Variants in CDHR2 observed in about 807,000 individuals in gnomAD.
CDHR2 encodes cadherin related family member 2.
In CDHR2, 104 loss-of-function variants were observed where a neutral mutation model predicts 138.6. The observed-to-expected ratio is 0.75, with a 90% CI of 0.64 to 0.88. The LOEUF (loss-of-function observed/expected upper bound fraction) is 0.88. CDHR2 is among the 40% of genes least tolerant of loss of function. CDHR2 has a pLI of 0.00. For missense variants in CDHR2, 1,624 were observed against 1,727.6 expected (o/e 0.94, Z 1.06); for synonymous variants, 755 against 742.8 (o/e 1.02, Z -0.27).
chr5:176,590,095 C>G lies in CDHR2; in HGVS notation c.3224C>G (p.Thr1075Ser). 2 of 1,613,850 alleles carry G rather than the reference C, an allele frequency of 1.2e-6. No homozygotes were observed. Among genetic ancestry groups the G allele is most frequent in the Non-Finnish European group, 1.7e-6 (2 of 1,179,948 alleles). Reference sequence around the variant, plus strand: ...CTTTGCAGGGCTCTTACCCAGGCAACCAGGACTACAGTATACATTGTGGAC... The same window carrying G: ...CTTTGCAGGGCTCTTACCCAGGCAAGCAGGACTACAGTATACATTGTGGAC... ...QAINAALTQA[T>S]RTTVYIVDIQ... Residue 1075 changes from threonine to serine, a missense_variant, in exon 25 of 32, where the codon ACC (threonine) becomes AGC (serine). By Grantham distance (58) the Thr-to-Ser change is moderately conservative (BLOSUM62 1). Around this residue, in one of 3 missense-constraint regions of CDHR2, gnomAD observed 556 missense variants for 565.7 expected, o/e 0.98. Transcript: ENST00000261944.
At position 176,570,164 on chromosome 5, in the gene CDHR2, C is replaced by T. The variant is rs1427409177; in HGVS notation, c.316-1049C>T. 3.3e-5 allele frequency among the ~76,000 whole-genome samples: 5 copies of T among 152,114 alleles called. No homozygotes were observed. In the East Asian group the frequency reaches 9.6e-4, roughly 29 times the overall value. On this transcript the variant is annotated intron_variant, in intron 5 of 31. Coordinates refer to ENST00000261944, the MANE Select transcript of CDHR2 (RefSeq NM_017675.6). ...CTTGAAAGCTGCCTTGCCCACTCAGCGATTGAGCTTAGAGCTCTCTCTGGG... is the reference window on the plus strand; with the variant it reads ...CTTGAAAGCTGCCTTGCCCACTCAGTGATTGAGCTTAGAGCTCTCTCTGGG...
At chr5:176,588,563 CAGTGTGTGAG>C (rs1039912321) in intron 21 of CDHR2, among the ~76,000 whole-genome samples, 6 of 132,714 alleles carry the variant, frequency 4.5e-5, no homozygotes, top group Middle Eastern at 4.6e-3. Flanking sequence ...GTGAGTGGGA[CAGTGTGTGAG>C]AGTGTGTGTG....
intron 18 of CDHR2, 29 bp from the exon 19 acceptor site, chr5:176,584,381 T>G (rs746074787): frequency 4.4e-6 from 7 of 1,604,036 alleles, no homozygotes; most frequent in Non-Finnish European, 3.4e-6. Flanking sequence ...GGGTCAGGAG[T>G]CCTTCTGAGC....
At chr5:176,548,493 AT>A (rs1434718398), upstream of CDHR2, among the ~76,000 whole-genome samples, 1 of 152,184 alleles carries the variant, frequency 6.6e-6, no homozygotes, top group Non-Finnish European at 1.5e-5. Flanking sequence ...TAATCCCAGC[AT>A]TTTGGAAGGC....
At chr5:176,580,154 ACACT>A (rs1009037228) in intron 16 of CDHR2, among the ~76,000 whole-genome samples, 60 of 148,780 alleles carry the variant, frequency 4.0e-4, no homozygotes, top group African/African-American at 1.1e-3. Flanking sequence ...ACTCACACAC[ACACT>A]CACACACGCA....
chr5:176,588,666 T>G (rs556525111), intron 21 of CDHR2, among the ~76,000 whole-genome samples: 1 of 145,022 alleles, frequency 6.9e-6, no homozygotes, highest in Non-Finnish European at 1.5e-5. Context: ...TGTGTGAGAG[T>G]GTGTGTGTGT....
At chr5:176,546,685 C>G (rs891714490), upstream of CDHR2, among the ~76,000 whole-genome samples, 13 of 146,456 alleles carry the variant, frequency 8.9e-5, no homozygotes, top group Non-Finnish European at 1.9e-4. Flanking sequence ...CTTTGGGAGG[C>G]CGACACGGGT....
intron 17 of CDHR2, among the ~76,000 whole-genome samples, chr5:176,583,709 A>G (rs1758578992): frequency 6.6e-6 from 1 of 152,184 alleles, no homozygotes; most frequent in Non-Finnish European, 1.5e-5. Context: ...GACTGAGCAC[A>G]GAGCTGGTGT....
intron 28 of CDHR2, among the ~76,000 whole-genome samples, chr5:176,590,927 C>T (rs1758827907): frequency 6.6e-6 from 1 of 152,240 alleles, no homozygotes. Flanking sequence ...ATGCATCTCA[C>T]ACCCAGCTAG....
Position 176,592,579 on chromosome 5 carries a change from A to G in CDHR2, c.3735-144A>G, listed in dbSNP as rs1758913740. 3 of 657,392 alleles carry G rather than the reference A, an allele frequency of 4.6e-6. No homozygotes were observed. The African/African-American group carries it at 6.0e-5, about 13-fold the overall frequency. 40.7% of individuals were successfully genotyped at this position (657,392 alleles called of 1,614,324 possible). A position where few individuals can be genotyped will look rare whatever the true frequency, so the allele number is the denominator to read the frequency against. On this transcript the variant is annotated intron_variant, in intron 30 of 31. Transcript: ENST00000261944. ...TGGTGCTGATGGTAGTGATGATGGT[A>G]GTTGTGATGATGGTGGTGGTGGTGA...
At chr5:176,560,895 G>T (rs919386977) in intron 1 of CDHR2, among the ~76,000 whole-genome samples, 2 of 152,182 alleles carry the variant, frequency 1.3e-5, no homozygotes, top group Admixed American at 6.5e-5. Context: ...TTAAAAGAGG[G>T]AATGCTGTGC....
At chr5:176,552,166 T>G (rs1757721035) in intron 1 of CDHR2, among the ~76,000 whole-genome samples, 2 of 152,178 alleles carry the variant, frequency 1.3e-5, no homozygotes, top group Non-Finnish European at 2.9e-5. Context: ...CAGGGGCAAC[T>G]CCATTCACTC....
At position 176,565,702 on chromosome 5, in the gene CDHR2, C is replaced by A; in HGVS notation, c.83C>A (p.Ala28Asp). ...GCCAACGTGGCCCCGAAGTTCCTAG[C>A]CAACATGACGTCAGTGATCCTGCCT... ...VAANVAPKFL[A>D]NMTSVILPED... Residue 28 changes from alanine to aspartate, a missense_variant, in exon 3 of 32, where the codon GCC becomes GAC. Ala to Asp is a moderately radical substitution (Grantham distance 126). Around this residue, in one of 3 missense-constraint regions of CDHR2, gnomAD observed 1,061 missense variants for 1,136.6 expected, o/e 0.93. Coordinates refer to ENST00000261944, the MANE Select transcript of CDHR2 (RefSeq NM_017675.6). 1 of 1,614,032 alleles carries A rather than the reference C, an allele frequency of 6.2e-7. No homozygotes were observed. Among genetic ancestry groups the A allele is most frequent in the South Asian group, 1.1e-5 (1 of 91,066 alleles).
At chr5:176,545,539 A>C (rs896267342), upstream of CDHR2, among the ~76,000 whole-genome samples, 2 of 152,216 alleles carry the variant, frequency 1.3e-5, no homozygotes, top group African/African-American at 4.8e-5. Flanking sequence ...CCTCGTGCAC[A>C]TCACCCCATT....
At chr5:176,574,522 T>C (rs10476198) in intron 7 of CDHR2, among the ~76,000 whole-genome samples, 41,426 of 152,086 alleles carry the variant, frequency 0.27, 5,889 homozygotes, top group East Asian at 0.47. Context: ...TGGCACATAC[T>C]GTATAGTCGC....
intron 17 of CDHR2, among the ~76,000 whole-genome samples, chr5:176,583,090 G>T (rs1335584942): frequency 6.6e-6 from 1 of 152,218 alleles, no homozygotes; most frequent in East Asian, 1.9e-4. Flanking sequence ...GCAGAATGAG[G>T]ACTTGCTGGT....
chr5:176,542,968 G>A (rs1016266124), intron 1 of CDHR2, among the ~76,000 whole-genome samples: 3 of 151,906 alleles, frequency 2.0e-5, no homozygotes, highest in Admixed American at 1.3e-4. Flanking sequence ...CCGCAGCTGG[G>A]ACTCGCCGGG....
intron 1 of CDHR2, among the ~76,000 whole-genome samples, chr5:176,558,861 C>T (rs1757903980): frequency 6.6e-6 from 1 of 152,234 alleles, no homozygotes; most frequent in Non-Finnish European, 1.5e-5. Context: ...TTCATCCCTT[C>T]ACCCTAGCCA....
Position 176,576,332 on chromosome 5 carries a change from G to A in CDHR2, c.1194+147G>A, listed in dbSNP as rs995770086. ...AGAATGGGGGTGCTGGGTGCTCTCT[G>A]GAAGCCTGTGTTGGTAAGCAGTATC... is the stretch of plus-strand genomic sequence containing the variant. On this transcript the variant is annotated intron_variant, in intron 12 of 31. Coordinates refer to ENST00000261944, the MANE Select transcript of CDHR2 (RefSeq NM_017675.6). The surrounding 1 kb of genome is among the most constrained non-coding windows in gnomAD (Gnocchi z 4.5). 5 of 672,386 alleles carry A rather than the reference G, an allele frequency of 7.4e-6. No individual in the cohort carries two copies. The highest frequency in any genetic ancestry group is 4.0e-4 in the Middle Eastern group (1 of 2,478). The allele number at this position is 672,386 out of a possible 1,614,324, so 41.7% of individuals were successfully genotyped here.
Sources: gnomAD v4.1 joint callset for allele counts (sites outside exome capture counted in the v4.1 genomes callset) on GRCh38, gnomAD v4.1.1 for gene constraint, gnomAD v4.1.1 regional missense constraint, Gnocchi (gnomAD v3.1) non-coding constraint, MANE v1.5 for transcripts, NCBI Gene and HGNC (gene_info 2026-07-23, HGNC 2026-07-21) for gene names.